The following DENND1B variants were observed in gnomAD, a reference collection of about 807,000 sequenced individuals.
The protein encoded by DENND1B is DENN domain containing 1B, also known as DENN domain-containing protein 1B.
DENND1B carries 59 observed loss-of-function variants against 90.1 expected under a neutral mutation model. The ratio of observed to expected loss-of-function variants is 0.65; its 90% CI spans 0.53 to 0.81. The LOEUF (loss-of-function observed/expected upper bound fraction) is 0.81, where lower values mean the gene tolerates loss of function less well. DENND1B is among the 40% of genes least tolerant of loss of function. The probability of loss-of-function intolerance (pLI) is 0.00; values close to 1 mark genes in which losing one functional copy is unlikely to be tolerated. For missense variants in DENND1B, 862 were observed against 912.6 expected (o/e 0.94, Z 0.71); for synonymous variants, 337 against 324.6 (o/e 1.04, Z -0.41).
At chr1:197,648,876 T>A (rs1364410056) in intron 7 of DENND1B, among the ~76,000 whole-genome samples, 2 of 152,192 alleles carry the variant, frequency 1.3e-5, no homozygotes, top group Non-Finnish European at 2.9e-5. Flanking sequence ...ATAGCTACAA[T>A]GATGTCTGCT....
In DENND1B at chr1:197,506,247, A is replaced by G. The variant is rs534939365; in HGVS notation, c.*4213T>C. 4.0e-5 allele frequency: 6 copies of G among 151,680 alleles called. No individual in the cohort carries two copies. The highest frequency in any genetic ancestry group is 3.9e-4 in the Admixed American group (6 of 15,212). 9.4% of individuals were successfully genotyped at this position (151,680 alleles called of 1,614,324 possible). A position where few individuals can be genotyped will look rare whatever the true frequency, so the allele number is the denominator to read the frequency against. Reference sequence around the variant, plus strand: ...AATATTCTTCTGTCTAAATGTATATAATTCCTTATTTCTTCATCAAATCAC... The same window carrying G: ...AATATTCTTCTGTCTAAATGTATATGATTCCTTATTTCTTCATCAAATCAC... On this transcript the variant is annotated 3_prime_UTR_variant, in exon 23 of 23. Coordinates refer to ENST00000620048, the MANE Select transcript of DENND1B (RefSeq NM_001195215.2).
chr1:197,626,877 C>T (rs1440557349), intron 10 of DENND1B, among the ~76,000 whole-genome samples: 6 of 152,090 alleles, frequency 3.9e-5, no homozygotes, highest in Admixed American at 2.0e-4. Flanking sequence ...ATACAAACTA[C>T]CATCAAAGAA....
At chr1:197,703,469 C>G (rs907075244) in intron 3 of DENND1B, among the ~76,000 whole-genome samples, 2 of 151,904 alleles carry the variant, frequency 1.3e-5, no homozygotes. Flanking sequence ...GGTATGGATC[C>G]ATATAATAGC....
intron 5 of DENND1B, among the ~76,000 whole-genome samples, chr1:197,658,780 T>C (rs1048348975): frequency 8.9e-4 from 134 of 151,354 alleles, no homozygotes; most frequent in African/African-American, 3.1e-3. Context: ...ACAACAAAAC[T>C]ATGTGTTTTT....
chr1:197,598,400 C>A (rs564839025), intron 13 of DENND1B, among the ~76,000 whole-genome samples: 1 of 151,850 alleles, frequency 6.6e-6, no homozygotes, highest in South Asian at 2.1e-4. Flanking sequence ...AATATAAAAT[C>A]ATTGCATCAA....
chr1:197,702,746 A>C lies in DENND1B; in HGVS notation c.126+12285T>G, dbSNP rs147338718. Among the ~76,000 whole-genome samples the C allele has an allele frequency of 2.0e-3, 299 of 152,258 alleles. 2 individuals carry two copies. The highest frequency in any genetic ancestry group is 6.9e-3 in the African/African-American group (287 of 41,560). On this transcript the variant is annotated intron_variant, in intron 3 of 22. Transcript: ENST00000620048. Reference sequence around the variant, plus strand: ...TATGGGCAGCTCTGGCAGTCTGTTAAAATGCTTGTGTATGACTGAAAGTTC... The same window carrying C: ...TATGGGCAGCTCTGGCAGTCTGTTACAATGCTTGTGTATGACTGAAAGTTC...
chr1:197,567,088 C>T (rs193022209), intron 15 of DENND1B, among the ~76,000 whole-genome samples: 1 of 151,916 alleles, frequency 6.6e-6, no homozygotes, highest in Non-Finnish European at 1.5e-5. Context: ...ACATTAGATT[C>T]TGAAAAATTA....
chr1:197,729,646 T>G (rs1345823937), intron 2 of DENND1B, among the ~76,000 whole-genome samples: 1 of 152,124 alleles, frequency 6.6e-6, no homozygotes, highest in Non-Finnish European at 1.5e-5. Context: ...TAAATAGTAA[T>G]TATACAAATT....
At chr1:197,588,640 G>C (rs1311171583) in intron 14 of DENND1B, among the ~76,000 whole-genome samples, 5 of 152,062 alleles carry the variant, frequency 3.3e-5, no homozygotes, top group African/African-American at 1.2e-4. Context: ...TAAAATATCT[G>C]AAAGACTCTG....
In DENND1B at chr1:197,734,837, T is replaced by A. The variant is rs1373296769; in HGVS notation, c.83-19763A>T. On this transcript the variant is annotated intron_variant, in intron 2 of 22. Transcript: ENST00000620048. ...CCTACAACAAACTTAACAAAAGAAA[T>A]ACATTTATTCATAAGGGGGAAAATA... 5 of 984,280 alleles carry A rather than the reference T, an allele frequency of 5.1e-6. No individual in the cohort carries two copies. In the Admixed American group the frequency reaches 1.8e-4, roughly 36 times the overall value. The allele number at this position is 984,280 out of a possible 1,614,324, so 61.0% of individuals were successfully genotyped here. A position where few individuals can be genotyped will look rare whatever the true frequency, so the allele number is the denominator to read the frequency against.
Position 197,752,354 on chromosome 1 carries a change from AG to A in DENND1B, c.82+20513del, listed in dbSNP as rs527610966. The stretch of plus-strand genomic sequence containing the variant: ...AAAACTGACACAAGCAGAATCCAAA[AG>A]TCTGATTAATCATTTATCTGCTAAA... On this transcript the variant is annotated intron_variant, in intron 2 of 22. Transcript: ENST00000620048. Among the ~76,000 whole-genome samples, 266 of 152,198 alleles carry A rather than the reference AG, an allele frequency of 1.7e-3. 2 individuals carry two copies. Among genetic ancestry groups the A allele is most frequent in the Middle Eastern group, 0.01 (3 of 294 alleles).
chr1:197,604,369 C>T (rs989741628), intron 13 of DENND1B, among the ~76,000 whole-genome samples: 29 of 151,174 alleles, frequency 1.9e-4, no homozygotes, highest in African/African-American at 6.5e-4. Flanking sequence ...AGTAGCGGAA[C>T]TGCTACTGGC....
At chr1:197,568,253 A>G (rs1447502633) in intron 15 of DENND1B, among the ~76,000 whole-genome samples, 1 of 152,190 alleles carries the variant, frequency 6.6e-6, no homozygotes, top group Non-Finnish European at 1.5e-5. Context: ...TAAATTTACA[A>G]TAGCATAAAA....
chr1:197,750,570 C>CTAGATAGATAGA (rs57505824), intron 2 of DENND1B, among the ~76,000 whole-genome samples: 9,214 of 149,192 alleles, frequency 0.062, 312 homozygotes, highest in African/African-American at 0.069. Flanking sequence ...AAAAGCAAAC[C>CTAGATAGATAGA]TAGATAGATA....
intron 18 of DENND1B, among the ~76,000 whole-genome samples, chr1:197,544,929 GAAGAAGAA>G (rs1670646068): frequency 1.8e-5 from 1 of 55,064 alleles, no homozygotes. Flanking sequence ...GAAGAAAAGA[GAAGAAGAA>G]GAAGGGAGAA....
At chr1:197,554,513 T>C (rs1010883360) in intron 15 of DENND1B, among the ~76,000 whole-genome samples, 4 of 152,068 alleles carry the variant, frequency 2.6e-5, no homozygotes, top group African/African-American at 9.7e-5. Flanking sequence ...ATGAGTTGTA[T>C]AGGACAATAC....
intron 20 of DENND1B, among the ~76,000 whole-genome samples, chr1:197,538,314 A>C (rs1051195493): frequency 1.3e-5 from 2 of 152,158 alleles, no homozygotes; most frequent in African/African-American, 4.8e-5. Context: ...GGGAAAAAAA[A>C]CAACAGAAAA....
intron 15 of DENND1B, among the ~76,000 whole-genome samples, chr1:197,567,877 T>C (rs757009683): frequency 6.6e-6 from 1 of 152,006 alleles, no homozygotes; most frequent in Non-Finnish European, 1.5e-5. Context: ...AAAGCTAAGA[T>C]AAGGAACAAG....
intron 18 of DENND1B, among the ~76,000 whole-genome samples, chr1:197,543,173 G>A (rs1200974329): frequency 1.3e-5 from 2 of 152,092 alleles, no homozygotes; most frequent in Non-Finnish European, 2.9e-5. Context: ...GACCTCAAGC[G>A]ATCCACCTGC....
Sources: gnomAD v4.1 joint callset for allele counts (sites outside exome capture counted in the v4.1 genomes callset) on GRCh38, gnomAD v4.1.1 for gene constraint, MANE v1.5 for transcripts, NCBI Gene and HGNC (gene_info 2026-07-23, HGNC 2026-07-21) for gene names.